Variants in ATG10 observed in about 807,000 individuals in gnomAD.
ATG10 encodes autophagy related 10.
In ATG10, 30 loss-of-function variants were observed where a neutral mutation model predicts 32.1. The observed-to-expected ratio is 0.94, with a 90% CI of 0.70 to 1.27. The LOEUF is 1.27. Ranked by LOEUF, ATG10 falls within the 50% of genes most tolerant of loss-of-function variation. The pLI is 0.00. For missense variants in ATG10, 233 were observed against 262.3 expected (o/e 0.89, Z 0.77); for synonymous variants, 87 against 91.5 (o/e 0.95, Z 0.28).
intron 1 of ATG10, among the ~76,000 whole-genome samples, chr5:81,972,755 T>G (rs1171974741): frequency 1.3e-5 from 2 of 152,086 alleles, no homozygotes; most frequent in Non-Finnish European, 2.9e-5. Flanking sequence ...CAACAGGTCT[T>G]TCTTTTTTTT....
chr5:82,226,087 C>A (rs888296796), intron 5 of ATG10, among the ~76,000 whole-genome samples: 1 of 152,164 alleles, frequency 6.6e-6, no homozygotes, highest in Non-Finnish European at 1.5e-5. Context: ...CATTTCTTTA[C>A]TGGTTTTTAT....
Position 82,252,599 on chromosome 5 carries a change from A to C in ATG10, c.491A>C (p.His164Pro). 1 of 1,609,742 alleles carries C rather than the reference A, an allele frequency of 6.2e-7. No homozygotes were observed. The highest frequency in any genetic ancestry group is 8.5e-7 in the Non-Finnish European group (1 of 1,177,916). ...PILGQPFFVL[H>P]PCKTNEFMTP... Reference sequence around the variant, plus strand: ...CTTGGGCAACCCTTTTTTGTACTTCATCCCTGCAAGACGAATGAATTCATG... The same window carrying C: ...CTTGGGCAACCCTTTTTTGTACTTCCTCCCTGCAAGACGAATGAATTCATG... Residue 164 changes from histidine to proline, a missense_variant, in exon 6 of 8, where the codon CAT becomes CCT. Transcript: ENST00000282185.
intron 2 of ATG10, among the ~76,000 whole-genome samples, chr5:82,004,589 G>A (rs1338597993): frequency 6.6e-6 from 1 of 152,164 alleles, no homozygotes; most frequent in African/African-American, 2.4e-5. Flanking sequence ...TAAACACTGG[G>A]TTTTTTGTTT....
chr5:81,977,449 C>CT (rs1760902355), intron 1 of ATG10, among the ~76,000 whole-genome samples: 1 of 152,178 alleles, frequency 6.6e-6, no homozygotes, highest in South Asian at 2.1e-4. Flanking sequence ...ATGGCAAACT[C>CT]TAACTTCTTT....
intron 5 of ATG10, among the ~76,000 whole-genome samples, chr5:82,210,817 G>A (rs1745465104): frequency 6.6e-6 from 1 of 152,174 alleles, no homozygotes; most frequent in Non-Finnish European, 1.5e-5. Flanking sequence ...AGAGTCCTTA[G>A]GGGCTGTCAG....
At chr5:82,178,441 A>G in intron 4 of ATG10, 49 bp from the exon 5 acceptor site, 1 of 1,120,870 alleles carries the variant, frequency 8.9e-7, no homozygotes, top group East Asian at 2.4e-5. Flanking sequence ...ACCAAGCACC[A>G]TTGTGTCACA....
chr5:82,183,890 T>C (rs1401178304), intron 5 of ATG10, among the ~76,000 whole-genome samples: 8 of 152,198 alleles, frequency 5.3e-5, no homozygotes, highest in Admixed American at 5.2e-4. Context: ...TGTCCGTTCA[T>C]AGTAGTGGTT....
At chr5:82,119,984 TTGTGTGTG>T (rs5869106) in intron 3 of ATG10, among the ~76,000 whole-genome samples, 176 of 148,272 alleles carry the variant, frequency 1.2e-3, no homozygotes, top group African/African-American at 3.1e-3. Flanking sequence ...CCACCATTTA[TTGTGTGTG>T]TGTGTGTGTG....
At chr5:82,183,386 C>A (rs1475354915) in intron 5 of ATG10, among the ~76,000 whole-genome samples, 1 of 148,268 alleles carries the variant, frequency 6.7e-6, no homozygotes, top group Non-Finnish European at 1.5e-5. Flanking sequence ...TAGTGTTTTG[C>A]AGTCTTGATT....
intron 3 of ATG10, among the ~76,000 whole-genome samples, chr5:82,140,033 T>C (rs1315434742): frequency 4.0e-5 from 4 of 100,170 alleles, no homozygotes; most frequent in Admixed American, 9.3e-5. Flanking sequence ...GGAGCCCCTC[T>C]GCCCGGCCAG....
chr5:82,227,822 CT>C (rs570526386), intron 5 of ATG10, among the ~76,000 whole-genome samples: 1 of 152,120 alleles, frequency 6.6e-6, no homozygotes, highest in Non-Finnish European at 1.5e-5. Context: ...ATCTTAGTTT[CT>C]ACATCTATAA....
At chr5:82,196,813 A>G (rs747106351) in intron 5 of ATG10, among the ~76,000 whole-genome samples, 1 of 152,126 alleles carries the variant, frequency 6.6e-6, no homozygotes. Flanking sequence ...CATTTTTTGA[A>G]ATTGGGAAAC....
chr5:82,170,693 C>T (rs910203976), intron 4 of ATG10, among the ~76,000 whole-genome samples: 3 of 152,064 alleles, frequency 2.0e-5, no homozygotes, highest in African/African-American at 7.2e-5. Flanking sequence ...CACCTGTAAT[C>T]CCAGCACTTT....
At chr5:82,192,666 G>A (rs1358187075) in intron 5 of ATG10, among the ~76,000 whole-genome samples, 1 of 152,124 alleles carries the variant, frequency 6.6e-6, no homozygotes, top group Non-Finnish European at 1.5e-5. Context: ...CATGTTATTT[G>A]CTTAGCATTG....
chr5:82,077,161 T>A (rs1325794012), intron 3 of ATG10, among the ~76,000 whole-genome samples: 1 of 152,030 alleles, frequency 6.6e-6, no homozygotes, highest in Non-Finnish European at 1.5e-5. Context: ...ATCTCTATTT[T>A]AAAAATACAA....
At chr5:82,090,244 C>T (rs1321457403) in intron 3 of ATG10, among the ~76,000 whole-genome samples, 4 of 152,072 alleles carry the variant, frequency 2.6e-5, no homozygotes, top group Non-Finnish European at 5.9e-5. Context: ...TATGACCCAG[C>T]AATTATGCTT....
chr5:82,085,282 C>T (rs1021333740), intron 3 of ATG10, among the ~76,000 whole-genome samples: 4 of 152,058 alleles, frequency 2.6e-5, no homozygotes, highest in African/African-American at 7.2e-5. Flanking sequence ...GAAGAGCTAA[C>T]ACTCCTATAT....
At chr5:82,120,881 C>T (rs2149826752) in intron 3 of ATG10, among the ~76,000 whole-genome samples, 1 of 152,066 alleles carries the variant, frequency 6.6e-6, no homozygotes, top group African/African-American at 2.4e-5. Context: ...GGATGTTTAC[C>T]CGTTTAGATT....
chr5:81,982,026 G>A (rs1322291937), intron 1 of ATG10, among the ~76,000 whole-genome samples: 1 of 152,182 alleles, frequency 6.6e-6, no homozygotes, highest in Non-Finnish European at 1.5e-5. Flanking sequence ...TGGAAAAACA[G>A]AAAATTATTC....
Sources: gnomAD v4.1 joint callset for allele counts (sites outside exome capture counted in the v4.1 genomes callset) on GRCh38, gnomAD v4.1.1 for gene constraint, MANE v1.5 for transcripts, NCBI Gene and HGNC (gene_info 2026-07-23, HGNC 2026-07-21) for gene names.